PRDM9: variants seen among roughly 807,000 people sequenced by gnomAD.
PRDM9 encodes histone-lysine N-methyltransferase PRDM9.
PRDM9 carries 47 observed loss-of-function variants against 55.6 expected under a neutral mutation model. That is an observed-to-expected ratio of 0.85 (90% CI 0.67 to 1.08). The LOEUF (loss-of-function observed/expected upper bound fraction) is 1.08, where lower values mean the gene tolerates loss of function less well. PRDM9 is among the 50% of genes least tolerant of loss of function. PRDM9 has a pLI of 0.00. For missense variants in PRDM9, 867 were observed against 1,040.3 expected (o/e 0.83, Z 2.29); for synonymous variants, 312 against 375.7 (o/e 0.83, Z 1.96).
intron 1 of PRDM9, among the ~76,000 whole-genome samples, chr5:23,508,669 G>A (rs939708799): frequency 4.6e-5 from 7 of 152,046 alleles, no homozygotes; most frequent in East Asian, 1.9e-4. Flanking sequence ...CTCAAACACC[G>A]GTAGCTACAA....
intron 8 of PRDM9, 52 bp downstream of exon 8, chr5:23,522,937 G>A: frequency 6.2e-7 from 1 of 1,613,870 alleles, no homozygotes; most frequent in Non-Finnish European, 8.5e-7. Flanking sequence ...TCCCTTCTGT[G>A]CCTTTGGTGG....
Position 23,527,763 on chromosome 5 carries a change from A to C in PRDM9, c.2675A>C (p.Glu892Ala). The C allele has an allele frequency of 6.2e-7, 1 of 1,614,112 alleles. No homozygotes were observed. Among genetic ancestry groups the C allele is most frequent in the Non-Finnish European group, 8.5e-7 (1 of 1,180,012 alleles). The change falls in exon 11 of 11, where the codon GAG (glutamate) becomes GCG (alanine). Residue 892 changes from glutamate to alanine, a missense_variant. Physicochemically the swap from Glu to Ala is moderately radical, Grantham distance 107. Around this residue, in one of 5 missense-constraint regions of PRDM9, gnomAD observed 86 missense variants for 73.6 expected, o/e 1.17. Transcript: ENST00000296682. ...HTGEKPYVCR[E>A]DE ...GGGGAGAAGCCCTACGTCTGCAGGG[A>C]GGATGAGTAAGTCATTAGTAATAAA... is the stretch of plus-strand genomic sequence containing the variant.
intron 5 of PRDM9, among the ~76,000 whole-genome samples, chr5:23,518,829 G>A (rs1208866100): frequency 6.6e-6 from 1 of 152,152 alleles, no homozygotes; most frequent in Non-Finnish European, 1.5e-5. Flanking sequence ...CCTCTTCATT[G>A]TGAGCTCTTC....
chr5:23,523,134 A>T (rs960198608), intron 8 of PRDM9, among the ~76,000 whole-genome samples, 157 bp from the exon 9 acceptor site: 1 of 152,226 alleles, frequency 6.6e-6, no homozygotes, highest in Non-Finnish European at 1.5e-5. Context: ...AAACCAACTC[A>T]GATGTGTAGA....
intron 8 of PRDM9, 50 bp from the exon 9 acceptor site, chr5:23,523,241 T>C (rs1739369380): frequency 6.4e-7 from 1 of 1,570,994 alleles, no homozygotes; most frequent in Non-Finnish European, 8.8e-7. Flanking sequence ...AAATAATTCT[T>C]CTGATTTTTA....
At position 23,527,437 on chromosome 5, in the gene PRDM9, G is replaced by A; in HGVS notation, c.2349G>A (p.Arg783=). ...EKPYVCRECG[R]GFRDKSNLLS... is the part of the protein sequence containing the mutation. The stretch of plus-strand genomic sequence containing the variant: ...CCTATGTCTGCAGGGAGTGTGGGCG[G>A]GGCTTTAGAGATAAGTCAAACCTCC... Residue 783 remains arginine (R), a synonymous_variant, in exon 11 of 11, where the codon CGG becomes CGA. Coordinates refer to ENST00000296682, the MANE Select transcript of PRDM9 (RefSeq NM_020227.4). 1 of 1,596,876 alleles carries A rather than the reference G, an allele frequency of 6.3e-7. No individual in the cohort carries two copies. The highest frequency in any genetic ancestry group is 8.5e-7 in the Non-Finnish European group (1 of 1,174,936).
At chr5:23,521,642 A>G (rs1237578055) in intron 6 of PRDM9, among the ~76,000 whole-genome samples, 3 of 152,164 alleles carry the variant, frequency 2.0e-5, no homozygotes, top group Non-Finnish European at 4.4e-5. Flanking sequence ...CCAGCCTTGG[A>G]TACAGTATTG....
chr5:23,515,057 G>A (rs111623087), intron 4 of PRDM9, among the ~76,000 whole-genome samples: 5 of 150,888 alleles, frequency 3.3e-5, no homozygotes, highest in South Asian at 2.1e-4. Context: ...TACACCTCCC[G>A]GGTTCCACCG....
At chr5:23,521,574 G>A (rs1739329090) in intron 6 of PRDM9, among the ~76,000 whole-genome samples, 1 of 152,188 alleles carries the variant, frequency 6.6e-6, no homozygotes. Context: ...CTGGCCTCAA[G>A]AGATCTGCTC....
Position 23,521,171 on chromosome 5 carries a change from T to A in PRDM9, c.500T>A (p.Leu167Gln), listed in dbSNP as rs372646164. 22 of 1,613,006 alleles carry A rather than the reference T, an allele frequency of 1.4e-5. No individual in the cohort carries two copies. Among genetic ancestry groups the A allele is most frequent in the Non-Finnish European group, 1.8e-5 (21 of 1,179,998 alleles). ...AGTACCTCTGGACAGCACTCAAGAC[T>A]AAAACTGGGTAAGAAAAAATATTTG... is the stretch of plus-strand genomic sequence containing the variant. ...EASTSGQHSR[L>Q]KLELRKKETE... Residue 167 changes from leucine (L) to glutamine (Q), a missense_variant, in exon 6 of 11, where the codon CTA becomes CAA. Leu to Gln is a moderately radical substitution (Grantham distance 113). This residue lies in a region of PRDM9 where 662 missense variants were observed against 711.9 expected (regional missense o/e 0.93). Coordinates refer to ENST00000296682, the MANE Select transcript of PRDM9 (RefSeq NM_020227.4).
intron 4 of PRDM9, among the ~76,000 whole-genome samples, chr5:23,510,700 C>T (rs1447022573): frequency 6.6e-6 from 1 of 151,614 alleles, no homozygotes; most frequent in Non-Finnish European, 1.5e-5. Context: ...CAGACAAGGT[C>T]TCACTCTGTC....
At position 23,509,043 on chromosome 5, in the gene PRDM9, G is replaced by A. The variant is rs755272851; in HGVS notation, c.10G>A (p.Glu4Lys). The change falls in exon 2 of 11, where the codon GAA becomes AAA. Residue 4 changes from glutamate to lysine, a missense_variant. Coordinates refer to ENST00000296682, the MANE Select transcript of PRDM9 (RefSeq NM_020227.4). ...AGACAGTCCCAGCACCATGAGCCCT[G>A]AAAAGTCCCAAGAGGAGAGCCCAGA... is the stretch of plus-strand genomic sequence containing the variant. MSP[E>K]KSQEESPEED... 3 of 1,614,068 alleles carry A rather than the reference G, an allele frequency of 1.9e-6. No individual in the cohort carries two copies. Among genetic ancestry groups the A allele is most frequent in the Non-Finnish European group, 2.5e-6 (3 of 1,179,984 alleles).
At chr5:23,526,129 G>T (rs1210005107) in intron 10 of PRDM9, 104 bp from the exon 11 acceptor site, 4 of 1,370,888 alleles carry the variant, frequency 2.9e-6, no homozygotes, top group Non-Finnish European at 4.2e-6. Context: ...AGCTTGCATT[G>T]TTAACATATG....
chr5:23,523,203 C>T (rs1327919516), intron 8 of PRDM9, 88 bp from the exon 9 acceptor site: 17 of 1,458,266 alleles, frequency 1.2e-5, no homozygotes, highest in Non-Finnish European at 1.6e-5. Flanking sequence ...GCTATGCAGG[C>T]CCAAAGGCCA....
In PRDM9 at chr5:23,526,453, G is replaced by C. The variant is rs769758225; in HGVS notation, c.1365G>C (p.Glu455Asp). Residue 455 changes from glutamate to aspartate, a missense_variant, in exon 11 of 11, where the codon GAG becomes GAC. Glu to Asp is a conservative substitution (Grantham distance 45). This residue lies in a region of PRDM9 where 662 missense variants were observed against 711.9 expected (regional missense o/e 0.93). Transcript: ENST00000296682. ...HSRNDKTKGQ[E>D]IKERSKLLNK... ...GTAATGACAAAACCAAAGGTCAAGAGATCAAAGAAAGGTCCAAACTCTTGA... is the reference window on the plus strand; with the variant it reads ...GTAATGACAAAACCAAAGGTCAAGACATCAAAGAAAGGTCCAAACTCTTGA... 11 of 1,614,060 alleles carry C rather than the reference G, an allele frequency of 6.8e-6. No homozygotes were observed. In the Admixed American group the frequency reaches 1.8e-4, roughly 27 times the overall value.
intron 4 of PRDM9, among the ~76,000 whole-genome samples, chr5:23,514,506 T>C (rs1739163400): frequency 6.6e-6 from 1 of 152,100 alleles, no homozygotes; most frequent in African/African-American, 2.4e-5. Flanking sequence ...TGGAGTTCAG[T>C]GGTGCGATCT....
At chr5:23,510,517 CA>C (rs778896827) in intron 4 of PRDM9, among the ~76,000 whole-genome samples, 17 of 150,942 alleles carry the variant, frequency 1.1e-4, no homozygotes, top group Non-Finnish European at 2.4e-4. Flanking sequence ...ACCACCATGC[CA>C]AGCTAATTTT....
At chr5:23,507,773 T>G (rs1739013374) in intron 1 of PRDM9, 61 bp downstream of exon 1, 1 of 152,278 alleles carries the variant, frequency 6.6e-6, no homozygotes, top group Admixed American at 6.5e-5. Flanking sequence ...CCCCTCACCC[T>G]GGGAAGCTCC....
intron 4 of PRDM9, among the ~76,000 whole-genome samples, chr5:23,510,571 T>C (rs1425786620): frequency 6.6e-6 from 1 of 151,648 alleles, no homozygotes; most frequent in East Asian, 2.0e-4. Context: ...TTGGCCAGGC[T>C]GGTCTCAAAT....
Sources: gnomAD v4.1 joint callset for allele counts (sites outside exome capture counted in the v4.1 genomes callset) on GRCh38, gnomAD v4.1.1 for gene constraint, gnomAD v4.1.1 regional missense constraint, MANE v1.5 for transcripts, NCBI Gene and HGNC (gene_info 2026-07-23, HGNC 2026-07-21) for gene names.